The following PIBF1 variants were observed in gnomAD, a reference collection of about 807,000 sequenced individuals.
The protein encoded by PIBF1 is progesterone-induced-blocking factor 1.
PIBF1 carries 90 observed loss-of-function variants against 112.5 expected under a neutral mutation model. The observed-to-expected ratio is 0.80, with a 90% CI of 0.67 to 0.95. PIBF1 has a LOEUF of 0.95. Among genes scored for constraint, PIBF1 ranks in the 40% least tolerant of loss-of-function variants. The pLI is 0.00. For missense variants in PIBF1, 915 were observed against 852.3 expected, an observed-to-expected ratio of 1.07 and a Z score of -0.92; for synonymous variants, 301 against 288.6, an observed-to-expected ratio of 1.04 and a Z score of -0.44.
chr13:72,783,326 T>A, intron 1 of PIBF1, 97 bp from the exon 2 acceptor site: 1 of 621,170 alleles, frequency 1.6e-6, no homozygotes, highest in African/African-American at 1.8e-5. Flanking sequence ...AATTGCCTAA[T>A]ATTTATTTAA....
intron 10 of PIBF1, chr13:72,884,647 T>C (rs1361613779): frequency 6.6e-6 from 1 of 152,198 alleles, no homozygotes; most frequent in Non-Finnish European, 1.5e-5. Flanking sequence ...CCTGAAGTGT[T>C]GGAGATGGTT....
At chr13:73,010,875 G>T (rs1448363802) in intron 17 of PIBF1, among the ~76,000 whole-genome samples, 1 of 101,196 alleles carries the variant, frequency 9.9e-6, no homozygotes, top group Non-Finnish European at 1.9e-5. Context: ...TGTCCAGGGT[G>T]GAGTGCAATG....
intron 12 of PIBF1, among the ~76,000 whole-genome samples, chr13:72,913,287 A>G (rs2040959622): frequency 6.6e-6 from 1 of 152,184 alleles, no homozygotes. Flanking sequence ...AAATTTATAC[A>G]TGGTGAAAGT....
At chr13:72,817,084 C>A (rs943365843) in intron 5 of PIBF1, among the ~76,000 whole-genome samples, 2 of 152,216 alleles carry the variant, frequency 1.3e-5, no homozygotes, top group African/African-American at 4.8e-5. Context: ...CTATTTCTTA[C>A]CATTCACTGA....
intron 16 of PIBF1, among the ~76,000 whole-genome samples, chr13:72,984,930 A>G (rs1488714224): frequency 6.6e-6 from 1 of 152,166 alleles, no homozygotes; most frequent in African/African-American, 2.4e-5. Flanking sequence ...ATTATGTAAC[A>G]TATAGACCTA....
At chr13:72,916,795 T>C (rs1482629832) in intron 12 of PIBF1, among the ~76,000 whole-genome samples, 1 of 152,090 alleles carries the variant, frequency 6.6e-6, no homozygotes, top group African/African-American at 2.4e-5. Context: ...TTTGAGTCCT[T>C]CAGAATAATA....
chr13:72,916,982 C>G (rs1219254136), intron 12 of PIBF1, 94 bp from the exon 13 acceptor site: 4 of 699,386 alleles, frequency 5.7e-6, no homozygotes, highest in Non-Finnish European at 9.3e-6. Context: ...TTTATCCTCC[C>G]TAATTTGTTA....
chr13:73,006,416 A>G (rs2044035910), intron 17 of PIBF1, among the ~76,000 whole-genome samples: 1 of 152,180 alleles, frequency 6.6e-6, no homozygotes, highest in Non-Finnish European at 1.5e-5. Context: ...TTTTTTGGTG[A>G]GCATGGAACG....
At chr13:72,921,471 C>T (rs180774490) in intron 13 of PIBF1, among the ~76,000 whole-genome samples, 101 of 152,030 alleles carry the variant, frequency 6.6e-4, no homozygotes, top group Non-Finnish European at 1.1e-3. Flanking sequence ...AATAACCACT[C>T]GGAAATGTAT....
chr13:72,815,937 A>G (rs545218483), intron 5 of PIBF1, among the ~76,000 whole-genome samples: 1 of 152,344 alleles, frequency 6.6e-6, no homozygotes, highest in South Asian at 2.1e-4. Context: ...TAATTTAGCA[A>G]CTTGGTCTCT....
At chr13:72,865,872 C>T (rs1371804805) in intron 10 of PIBF1, among the ~76,000 whole-genome samples, 1 of 152,124 alleles carries the variant, frequency 6.6e-6, no homozygotes, top group Non-Finnish European at 1.5e-5. Context: ...AAAAACAACA[C>T]AATTTAAAAC....
chr13:72,846,221 C>T (rs961275989), intron 9 of PIBF1, among the ~76,000 whole-genome samples: 2 of 152,106 alleles, frequency 1.3e-5, no homozygotes, highest in Non-Finnish European at 2.9e-5. Context: ...TCAGTCTTAC[C>T]CAGTTCGATT....
chr13:72,941,551 A>G (rs913215905), intron 14 of PIBF1, among the ~76,000 whole-genome samples: 3 of 152,098 alleles, frequency 2.0e-5, no homozygotes, highest in Non-Finnish European at 4.4e-5. Context: ...CAAAGGCCTT[A>G]TTTTCTACTG....
intron 16 of PIBF1, 62 bp downstream of exon 16, chr13:72,973,737 G>A (rs1594298530): frequency 2.3e-6 from 2 of 878,174 alleles, no homozygotes; most frequent in East Asian, 5.2e-5. Flanking sequence ...CTGCTATCAG[G>A]TTAAAATTAT....
At chr13:72,894,772 AGTGTGTGTGTGTGT>A (rs35885902) in intron 11 of PIBF1, among the ~76,000 whole-genome samples, 20 of 137,206 alleles carry the variant, frequency 1.5e-4, no homozygotes, top group Non-Finnish European at 2.3e-4. Flanking sequence ...ATATATATAT[AGTGTGTGTGTGTGT>A]GTGTGTGTGT....
intron 2 of PIBF1, among the ~76,000 whole-genome samples, chr13:72,787,132 G>T (rs1482718563): frequency 6.6e-6 from 1 of 152,066 alleles, no homozygotes; most frequent in Non-Finnish European, 1.5e-5. Context: ...CTTCTTACAT[G>T]CCCTGGGAAT....
Position 72,999,088 on chromosome 13 carries a change from A to T in PIBF1, c.2223+93A>T, listed in dbSNP as rs549263495. The T allele has an allele frequency of 6.6e-6, 5 of 760,018 alleles. No homozygotes were observed. In the East Asian group the frequency reaches 1.3e-4, roughly 20 times the overall value. 47.1% of individuals were successfully genotyped at this position (760,018 alleles called of 1,614,324 possible). On this transcript the variant is annotated intron_variant, in intron 17 of 17. Transcript: ENST00000326291. ...TTTTTCCTTTTACATTTATGAAATG[A>T]GTAGATTCCACAAATATGTTTCATG...
intron 14 of PIBF1, among the ~76,000 whole-genome samples, chr13:72,950,355 T>C (rs985827062): frequency 6.6e-6 from 1 of 152,228 alleles, no homozygotes; most frequent in African/African-American, 2.4e-5. Flanking sequence ...TGATTTCCTT[T>C]GAAAAATCTT....
At chr13:72,897,365 C>T (rs942186021) in intron 11 of PIBF1, among the ~76,000 whole-genome samples, 1 of 152,178 alleles carries the variant, frequency 6.6e-6, no homozygotes, top group African/African-American at 2.4e-5. Context: ...ATAAATCACA[C>T]AGGACCTATA....
Sources: allele counts gnomAD v4.1 joint callset (sites outside exome capture counted in the v4.1 genomes callset), GRCh38; gene constraint gnomAD v4.1.1; transcripts MANE v1.5; gene names NCBI Gene and HGNC (gene_info 2026-07-23, HGNC 2026-07-21).